Variants in ANKS1B observed in about 807,000 individuals in gnomAD.
ANKS1B encodes ankyrin repeat and sterile alpha motif domain containing 1B.
Under a neutral mutation model 148.3 loss-of-function variants are expected in ANKS1B, and 36 were observed. The ratio of observed to expected loss-of-function variants is 0.24; its 90% CI spans 0.19 to 0.32. The LOEUF (loss-of-function observed/expected upper bound fraction) is 0.32. ANKS1B is among the 10% of genes least tolerant of loss of function. The pLI is 1.00. For synonymous variants in ANKS1B, 542 were observed against 560.8 expected, an observed-to-expected ratio of 0.97 and a Z score of 0.47; for missense variants, 1,157 against 1,542.6, an observed-to-expected ratio of 0.75 and a Z score of 4.19.
At chr12:99,152,222 A>G (rs1244208807) in intron 15 of ANKS1B, among the ~76,000 whole-genome samples, 1 of 152,188 alleles carries the variant, frequency 6.6e-6, no homozygotes, top group Non-Finnish European at 1.5e-5. Flanking sequence ...ACAGCATGTA[A>G]AGCACTAATT....
At chr12:99,717,588 AGAG>A (rs2057494657) in intron 8 of ANKS1B, among the ~76,000 whole-genome samples, 1 of 152,198 alleles carries the variant, frequency 6.6e-6, no homozygotes, top group Admixed American at 6.5e-5. Context: ...AGCCACTCCC[AGAG>A]CCCCTGGAAC....
intron 12 of ANKS1B, among the ~76,000 whole-genome samples, chr12:99,342,381 T>C (rs1480148537): frequency 1.3e-5 from 2 of 151,922 alleles, no homozygotes; most frequent in African/African-American, 4.8e-5. Context: ...TGAGATGTCC[T>C]GGAGGTTGAA....
intron 14 of ANKS1B, among the ~76,000 whole-genome samples, chr12:99,179,032 T>C (rs2078767237): frequency 6.6e-6 from 1 of 152,196 alleles, no homozygotes; most frequent in Non-Finnish European, 1.5e-5. Flanking sequence ...AAATAAACCT[T>C]GGCTATAACA....
At chr12:99,523,765 G>T (rs958430257) in intron 9 of ANKS1B, among the ~76,000 whole-genome samples, 1 of 151,770 alleles carries the variant, frequency 6.6e-6, no homozygotes, top group African/African-American at 2.4e-5. Flanking sequence ...TGTTAGCCAG[G>T]ATGGTCTCAA....
intron 1 of ANKS1B, among the ~76,000 whole-genome samples, chr12:99,886,782 T>C (rs1484314311): frequency 6.6e-6 from 1 of 152,082 alleles, no homozygotes; most frequent in African/African-American, 2.4e-5. Context: ...TACATATGAG[T>C]CTACTAACTG....
chr12:99,843,594 T>C (rs879815225), intron 1 of ANKS1B, among the ~76,000 whole-genome samples: 10 of 152,178 alleles, frequency 6.6e-5, no homozygotes, highest in Non-Finnish European at 1.5e-4. Flanking sequence ...ATTTTTTTCC[T>C]TTTTATGGCT....
intron 9 of ANKS1B, among the ~76,000 whole-genome samples, chr12:99,531,818 C>A (rs1024536927): frequency 6.6e-6 from 1 of 152,188 alleles, no homozygotes; most frequent in Admixed American, 6.5e-5. Context: ...ACATTCCCAC[C>A]AACAGTTTAT....
At chr12:98,780,027 C>T (rs1232874009) in intron 24 of ANKS1B, among the ~76,000 whole-genome samples, 2 of 152,172 alleles carry the variant, frequency 1.3e-5, no homozygotes, top group East Asian at 3.9e-4. Context: ...TCACAGAAAA[C>T]CAATTGGAAA....
chr12:98,790,058 T>C (rs2153549809), intron 22 of ANKS1B, among the ~76,000 whole-genome samples: 1 of 152,334 alleles, frequency 6.6e-6, no homozygotes, highest in Non-Finnish European at 1.5e-5. Context: ...AAGTGAACAG[T>C]AATGAACGTG....
intron 17 of ANKS1B, among the ~76,000 whole-genome samples, chr12:98,907,467 C>T (rs138780296): frequency 6.6e-6 from 1 of 152,262 alleles, no homozygotes; most frequent in Non-Finnish European, 1.5e-5. Context: ...CACTCCACCC[C>T]CTTACCCCAC....
intron 8 of ANKS1B, among the ~76,000 whole-genome samples, chr12:99,745,530 G>T (rs1355020387): frequency 2.0e-5 from 3 of 152,086 alleles, no homozygotes; most frequent in South Asian, 4.1e-4. Flanking sequence ...CTTGCAATTT[G>T]CAAACAACTA....
intron 15 of ANKS1B, among the ~76,000 whole-genome samples, chr12:99,136,130 T>A (rs1348556497): frequency 6.6e-6 from 1 of 152,150 alleles, no homozygotes; most frequent in Non-Finnish European, 1.5e-5. Context: ...AAAAGGTAAG[T>A]TCTAGGATAA....
chr12:99,982,038 A>G (rs2095709972), intron 1 of ANKS1B, among the ~76,000 whole-genome samples: 1 of 152,152 alleles, frequency 6.6e-6, no homozygotes, highest in South Asian at 2.1e-4. Flanking sequence ...TACAATTTCA[A>G]CTCTCATTTT....
intron 15 of ANKS1B, among the ~76,000 whole-genome samples, chr12:99,145,218 A>T (rs1347501431): frequency 6.6e-6 from 1 of 152,120 alleles, no homozygotes; most frequent in Admixed American, 6.6e-5. Flanking sequence ...CTTCTAAGCC[A>T]GGCCTTTGAA....
chr12:98,769,739 C>T (rs890661393), intron 25 of ANKS1B, among the ~76,000 whole-genome samples: 3 of 152,094 alleles, frequency 2.0e-5, no homozygotes, highest in African/African-American at 4.8e-5. Context: ...ACTTTAGATA[C>T]TCTGATGAAG....
intron 1 of ANKS1B, among the ~76,000 whole-genome samples, chr12:99,970,531 G>A (rs201761203): frequency 1.2e-4 from 18 of 147,256 alleles, no homozygotes; most frequent in East Asian, 2.0e-4. Flanking sequence ...CATTAAAATT[G>A]AAAAAAAAAA....
intron 16 of ANKS1B, among the ~76,000 whole-genome samples, chr12:99,081,577 T>C (rs1045322855): frequency 2.6e-5 from 4 of 152,190 alleles, no homozygotes; most frequent in African/African-American, 9.7e-5. Flanking sequence ...TGCTGCTCAA[T>C]GTGCGTCTGG....
intron 1 of ANKS1B, among the ~76,000 whole-genome samples, chr12:99,891,340 T>G (rs1044937467): frequency 7.3e-5 from 11 of 151,702 alleles, no homozygotes; most frequent in Non-Finnish European, 1.6e-4. Flanking sequence ...GTGTGTGTGT[T>G]TGTGTGTGTG....
intron 12 of ANKS1B, among the ~76,000 whole-genome samples, chr12:99,248,846 G>A (rs1410087954): frequency 2.0e-5 from 3 of 152,136 alleles, no homozygotes; most frequent in Non-Finnish European, 4.4e-5. Flanking sequence ...ATCTAGGGTT[G>A]GTTTATCCAT....
Sources: gnomAD v4.1 joint callset for allele counts (sites outside exome capture counted in the v4.1 genomes callset) on GRCh38, gnomAD v4.1.1 for gene constraint, MANE v1.5 for transcripts, NCBI Gene and HGNC (gene_info 2026-07-23, HGNC 2026-07-21) for gene names.